Variants in ARMC8 observed in about 807,000 individuals in gnomAD.
The protein encoded by ARMC8 is armadillo repeat containing 8, also known as armadillo repeat-containing protein 8.
Under a neutral mutation model 99.3 loss-of-function variants are expected in ARMC8, and 20 were observed. That is an observed-to-expected ratio of 0.20 (90% confidence interval 0.14 to 0.29). The LOEUF is 0.29. Among genes scored for constraint, ARMC8 ranks in the 10% least tolerant of loss-of-function variants. The pLI is 1.00. For missense variants in ARMC8, 569 were observed against 809.5 expected (o/e 0.70, Z 3.60); for synonymous variants, 263 against 278.3 (o/e 0.95, Z 0.55).
intron 19 of ARMC8, among the ~76,000 whole-genome samples, chr3:138,285,595 C>G (rs947609735): frequency 6.6e-6 from 1 of 152,130 alleles, no homozygotes; most frequent in Non-Finnish European, 1.5e-5. Context: ...TGGACTCTTG[C>G]CCTTATAGAT....
intron 18 of ARMC8, among the ~76,000 whole-genome samples, chr3:138,275,002 A>G (rs937896733): frequency 6.6e-6 from 1 of 152,196 alleles, no homozygotes; most frequent in Non-Finnish European, 1.5e-5. Flanking sequence ...TCCTCATCCC[A>G]TAACCCTACT....
chr3:138,239,310 G>T, intron 9 of ARMC8, 158 bp from the exon 10 acceptor site: 1 of 539,558 alleles, frequency 1.9e-6, no homozygotes, highest in South Asian at 2.6e-5. Context: ...CTATTAAATT[G>T]ACTGAACCTC....
rs17204131 is a variant in ARMC8, at chr3:138,190,229, A to G, written c.45+2630A>G. On this transcript the variant is annotated intron_variant, in intron 1 of 21. Coordinates refer to ENST00000469044, the MANE Select transcript of ARMC8 (RefSeq NM_001363941.2). Reference sequence around the variant, plus strand: ...TTTCTTGATTGAATTTGTTTTGCCCAAAGGCCCAAGTTTATATTCAGCTTC... The same window carrying G: ...TTTCTTGATTGAATTTGTTTTGCCCGAAGGCCCAAGTTTATATTCAGCTTC... Among the ~76,000 whole-genome samples the G allele has an allele frequency of 2.9e-3, 433 of 151,350 alleles. 1 individual carries two copies. Among genetic ancestry groups the G allele is most frequent in the Admixed American group, 7.6e-3 (115 of 15,206 alleles).
intron 12 of ARMC8, among the ~76,000 whole-genome samples, chr3:138,258,620 G>A (rs1176707158): frequency 6.6e-6 from 1 of 152,276 alleles, no homozygotes; most frequent in East Asian, 1.9e-4. Context: ...GTCTTGTCCC[G>A]ATTACAGGGG....
At chr3:138,247,395 C>G (rs775975130) in intron 12 of ARMC8, among the ~76,000 whole-genome samples, 1 of 152,054 alleles carries the variant, frequency 6.6e-6, no homozygotes, top group Non-Finnish European at 1.5e-5. Flanking sequence ...AGTGGAGAGT[C>G]TCTGAAAGAA....
At chr3:138,274,261 A>G (rs1038248846) in intron 17 of ARMC8, among the ~76,000 whole-genome samples, 188 bp from the exon 18 acceptor site, 2 of 146,746 alleles carry the variant, frequency 1.4e-5, no homozygotes, top group African/African-American at 5.3e-5. Flanking sequence ...GTGTGTGTGT[A>G]TGACATATTT....
intron 1 of ARMC8, among the ~76,000 whole-genome samples, chr3:138,191,106 TACTC>T (rs767501059): frequency 2.6e-4 from 40 of 152,352 alleles, no homozygotes; most frequent in Non-Finnish European, 4.7e-4. Flanking sequence ...TCTTTAATAA[TACTC>T]TATCTTGTCG....
rs1434150388 is a variant in ARMC8, at chr3:138,290,531, G to T, written c.1895-15G>T. ...CCTGGGTCATGTTCCCAGTAACCTG[G>T]CTTTAATCGTTTAGGTTCACAAGAA... On this transcript the variant is annotated splice_polypyrimidine_tract_variant and intron_variant, in intron 20 of 21. Coordinates refer to ENST00000469044, the MANE Select transcript of ARMC8 (RefSeq NM_001363941.2). 2 of 1,578,796 alleles carry T rather than the reference G, an allele frequency of 1.3e-6. No individual in the cohort carries two copies. Among genetic ancestry groups the T allele is most frequent in the Non-Finnish European group, 1.7e-6 (2 of 1,159,044 alleles).
intron 6 of ARMC8, among the ~76,000 whole-genome samples, chr3:138,231,152 G>T (rs777732201): frequency 2.0e-5 from 3 of 152,178 alleles, no homozygotes; most frequent in Non-Finnish European, 4.4e-5. Context: ...ATCCAGTGAC[G>T]TTAGTAAAAG....
intron 2 of ARMC8, among the ~76,000 whole-genome samples, chr3:138,214,201 T>A (rs916816902): frequency 1.4e-4 from 21 of 151,426 alleles, no homozygotes; most frequent in Non-Finnish European, 2.7e-4. Flanking sequence ...TACATGGCCC[T>A]TTGTTGATAT....
chr3:138,235,989 G>T (rs1333787638), intron 7 of ARMC8, among the ~76,000 whole-genome samples: 2 of 151,992 alleles, frequency 1.3e-5, no homozygotes, highest in Admixed American at 1.3e-4. Context: ...CTATATTTTA[G>T]TAGAGACAGG....
intron 12 of ARMC8, among the ~76,000 whole-genome samples, chr3:138,260,105 ACT>A (rs1229511335): frequency 2.6e-5 from 4 of 152,274 alleles, no homozygotes; most frequent in African/African-American, 9.6e-5. Context: ...CATGCCTGTC[ACT>A]CTCTGGGCAC....
chr3:138,209,953 C>A, intron 2 of ARMC8, 60 bp downstream of exon 2: 1 of 1,313,582 alleles, frequency 7.6e-7, no homozygotes, highest in Non-Finnish European at 1.1e-6. Context: ...TTTTAATCTG[C>A]CACATATTTT....
intron 1 of ARMC8, among the ~76,000 whole-genome samples, chr3:138,196,658 C>A (rs555890476): frequency 3.9e-5 from 6 of 152,032 alleles, no homozygotes; most frequent in Non-Finnish European, 8.8e-5. Flanking sequence ...CATCTGAGGT[C>A]AGGAGTCTGA....
chr3:138,245,903 A>G (rs1374697162), intron 12 of ARMC8: 1 of 985,364 alleles, frequency 1.0e-6, no homozygotes, highest in African/African-American at 1.7e-5. Context: ...GTATAACCTA[A>G]TAAATTCTAC....
chr3:138,231,783 G>T (rs944968511), intron 6 of ARMC8, among the ~76,000 whole-genome samples: 11 of 149,430 alleles, frequency 7.4e-5, no homozygotes, highest in Admixed American at 1.4e-4. Context: ...CCATCTCTGG[G>T]GGGGGAAAAA....
intron 1 of ARMC8, among the ~76,000 whole-genome samples, chr3:138,189,365 T>G (rs554062724): frequency 1.3e-5 from 2 of 152,240 alleles, no homozygotes; most frequent in South Asian, 4.1e-4. Flanking sequence ...CTTGGGGAAG[T>G]AGGAGCTTTT....
At chr3:138,192,111 T>G (rs372247774) in intron 1 of ARMC8, among the ~76,000 whole-genome samples, 1 of 152,312 alleles carries the variant, frequency 6.6e-6, no homozygotes, top group African/African-American at 2.4e-5. Context: ...TTTCTACCAG[T>G]AATATATGAG....
At chr3:138,189,625 C>T (rs1239138298) in intron 1 of ARMC8, among the ~76,000 whole-genome samples, 1 of 152,180 alleles carries the variant, frequency 6.6e-6, no homozygotes, top group Non-Finnish European at 1.5e-5. Context: ...AGCTCATAGT[C>T]TGGGTGACGC....
Sources: gnomAD v4.1 joint callset for allele counts (sites outside exome capture counted in the v4.1 genomes callset) on GRCh38, gnomAD v4.1.1 for gene constraint, MANE v1.5 for transcripts, NCBI Gene and HGNC (gene_info 2026-07-23, HGNC 2026-07-21) for gene names.